Variants in GRM7 observed in about 807,000 individuals in gnomAD.
GRM7 encodes glutamate metabotropic receptor 7, also known as metabotropic glutamate receptor 7.
Under a neutral mutation model 84.5 loss-of-function variants are expected in GRM7, and 35 were observed. The ratio of observed to expected loss-of-function variants is 0.41; its 90% CI spans 0.32 to 0.55. The LOEUF (loss-of-function observed/expected upper bound fraction) is 0.55. Among genes scored for constraint, GRM7 ranks in the 20% least tolerant of loss-of-function variants. GRM7 has a pLI of 0.19. For missense variants in GRM7, 1,003 were observed against 1,194.6 expected (o/e 0.84, Z 2.36); for synonymous variants, 487 against 455.1 (o/e 1.07, Z -0.89).
intron 7 of GRM7, among the ~76,000 whole-genome samples, chr3:7,548,065 CAA>C (rs1234868803): frequency 6.6e-6 from 1 of 152,188 alleles, no homozygotes; most frequent in Non-Finnish European, 1.5e-5. Flanking sequence ...TGCTGGCACC[CAA>C]GAGTATAACT....
intron 1 of GRM7, among the ~76,000 whole-genome samples, chr3:6,950,705 C>A (rs1167106076): frequency 6.6e-6 from 1 of 152,226 alleles, no homozygotes; most frequent in Non-Finnish European, 1.5e-5. Flanking sequence ...GGGCTCCACC[C>A]AGTTCAAGCT....
chr3:6,967,164 A>C (rs1693553777), intron 1 of GRM7, among the ~76,000 whole-genome samples: 1 of 152,112 alleles, frequency 6.6e-6, no homozygotes, highest in South Asian at 2.1e-4. Context: ...GTAAGGCCTT[A>C]ATAAGACTTC....
At chr3:7,012,254 G>A (rs992516973) in intron 1 of GRM7, among the ~76,000 whole-genome samples, 6 of 152,148 alleles carry the variant, frequency 3.9e-5, no homozygotes, top group African/African-American at 9.7e-5. Context: ...TGGTTTATCT[G>A]AAGGAAACAA....
rs79722320 is a variant in GRM7, at chr3:7,649,706, G to T, written c.2452-30343G>T. The stretch of plus-strand genomic sequence containing the variant: ...GGGGATTTATTGATATTTAGGTAAA[G>T]AATGATTGTTGGCTGACTTCAACTA... On this transcript the variant is annotated intron_variant, in intron 8 of 9. Coordinates refer to ENST00000357716, the MANE Select transcript of GRM7 (RefSeq NM_000844.4). Among the ~76,000 whole-genome samples, 27 of 152,140 alleles carry T rather than the reference G, an allele frequency of 1.8e-4. No individual in the cohort carries two copies. The East Asian group carries it at 5.0e-3, about 28-fold the overall frequency.
At chr3:6,993,042 T>C (rs941461418) in intron 1 of GRM7, among the ~76,000 whole-genome samples, 3 of 152,236 alleles carry the variant, frequency 2.0e-5, no homozygotes, top group Non-Finnish European at 2.9e-5. Flanking sequence ...CAGTTCAGCA[T>C]GGCTGGGGAA....
chr3:7,485,618 A>G (rs1699291494), intron 7 of GRM7, among the ~76,000 whole-genome samples: 1 of 152,252 alleles, frequency 6.6e-6, no homozygotes, highest in Non-Finnish European at 1.5e-5. Context: ...GTCAAGATAA[A>G]CATCAAATCC....
At chr3:7,501,216 T>C (rs1699872201) in intron 7 of GRM7, among the ~76,000 whole-genome samples, 1 of 152,214 alleles carries the variant, frequency 6.6e-6, no homozygotes, top group Admixed American at 6.5e-5. Context: ...ATTATCCTCA[T>C]TTCAGAGGCT....
intron 1 of GRM7, among the ~76,000 whole-genome samples, chr3:7,106,633 G>T (rs1447412395): frequency 6.6e-6 from 1 of 151,918 alleles, no homozygotes; most frequent in Non-Finnish European, 1.5e-5. Context: ...GCTACAATTG[G>T]ACTAATTTGG....
chr3:7,143,233 G>T (rs1694006714), intron 1 of GRM7, among the ~76,000 whole-genome samples: 2 of 152,088 alleles, frequency 1.3e-5, no homozygotes, highest in Admixed American at 6.6e-5. Flanking sequence ...AACTATGTAG[G>T]CTTTAACATT....
intron 9 of GRM7, among the ~76,000 whole-genome samples, chr3:7,704,591 C>T (rs566010203): frequency 9.9e-5 from 15 of 152,128 alleles, no homozygotes; most frequent in Middle Eastern, 3.4e-3. Flanking sequence ...TTTAAAATAA[C>T]GATATTTTAA....
At chr3:7,201,115 A>G (rs1194106662) in intron 2 of GRM7, among the ~76,000 whole-genome samples, 1 of 151,218 alleles carries the variant, frequency 6.6e-6, no homozygotes, top group African/African-American at 2.4e-5. Context: ...GACTACAGAC[A>G]CCCACCACCA....
intron 1 of GRM7, among the ~76,000 whole-genome samples, chr3:7,027,757 T>A (rs892007644): frequency 1.3e-5 from 2 of 152,210 alleles, no homozygotes; most frequent in Admixed American, 1.3e-4. Flanking sequence ...GAGACTTCCC[T>A]CCCTGTTATG....
chr3:7,731,298 A>G lies in GRM7; in HGVS notation c.2699-9059A>G, dbSNP rs2106527001. Among the ~76,000 whole-genome samples the G allele has an allele frequency of 2.0e-5, 3 of 152,312 alleles. No individual in the cohort carries two copies. The South Asian group carries it at 6.2e-4, about 32-fold the overall frequency. ...CAGTAACCCATAGGAGAATACTGAA[A>G]AAAGGGATGGAAAAAAAGGATGGCA... On this transcript the variant is annotated intron_variant, in intron 9 of 9. Transcript: ENST00000357716.
At chr3:7,108,574 C>A (rs992905671) in intron 1 of GRM7, among the ~76,000 whole-genome samples, 4 of 148,492 alleles carry the variant, frequency 2.7e-5, no homozygotes, top group African/African-American at 1.0e-4. Flanking sequence ...ACACTCTTTT[C>A]TCTGTGTCTC....
chr3:7,660,735 T>C (rs73121889), intron 8 of GRM7, among the ~76,000 whole-genome samples: 3,481 of 152,280 alleles, frequency 0.023, 62 homozygotes, highest in Middle Eastern at 0.068. Context: ...ATTTCAAGAA[T>C]TATTATAAGG....
At chr3:6,944,180 C>T (rs1697982234) in intron 1 of GRM7, among the ~76,000 whole-genome samples, 1 of 151,878 alleles carries the variant, frequency 6.6e-6, no homozygotes, top group Admixed American at 6.6e-5. Flanking sequence ...TTCTTTTAGT[C>T]TCATTGCATG....
chr3:7,535,472 A>T (rs147066969), intron 7 of GRM7, among the ~76,000 whole-genome samples: 1 of 152,322 alleles, frequency 6.6e-6, no homozygotes, highest in East Asian at 1.9e-4. Flanking sequence ...AAGGCTTAGA[A>T]ATCATGGTAG....
At chr3:7,049,763 A>T (rs1696928172) in intron 1 of GRM7, among the ~76,000 whole-genome samples, 1 of 151,878 alleles carries the variant, frequency 6.6e-6, no homozygotes, top group African/African-American at 2.4e-5. Context: ...TTGAGCTGAG[A>T]ACTAACAGAT....
chr3:7,686,321 A>G, intron 9 of GRM7: 1 of 852,032 alleles, frequency 1.2e-6, no homozygotes, highest in Non-Finnish European at 2.0e-6. Flanking sequence ...GTGCACATTT[A>G]TTTTATACAT....
Sources: gnomAD v4.1 joint callset for allele counts (sites outside exome capture counted in the v4.1 genomes callset) on GRCh38, gnomAD v4.1.1 for gene constraint, MANE v1.5 for transcripts, NCBI Gene and HGNC (gene_info 2026-07-23, HGNC 2026-07-21) for gene names.